SLC9A9: variants seen among roughly 807,000 people sequenced by gnomAD.
SLC9A9 encodes sodium/hydrogen exchanger 9.
In SLC9A9, 62 loss-of-function variants were observed where a neutral mutation model predicts 77.8. The observed-to-expected ratio is 0.80, with a 90% CI of 0.65 to 0.98. The LOEUF (loss-of-function observed/expected upper bound fraction) is 0.98. Ranked by LOEUF, SLC9A9 falls within the 50% of genes least tolerant of loss-of-function variation. SLC9A9 has a pLI of 0.00. For synonymous variants in SLC9A9, 320 were observed against 283.5 expected (o/e 1.13, Z -1.29); for missense variants, 775 against 774.9 (o/e 1.00, Z 0.00).
At chr3:143,439,523 C>G (rs971430328) in intron 12 of SLC9A9, among the ~76,000 whole-genome samples, 1 of 152,158 alleles carries the variant, frequency 6.6e-6, no homozygotes, top group Non-Finnish European at 1.5e-5. Context: ...AGAAGTGGGA[C>G]AAGAAGAGCA....
At chr3:143,824,887 G>A (rs1236393302) in intron 2 of SLC9A9, among the ~76,000 whole-genome samples, 4 of 152,192 alleles carry the variant, frequency 2.6e-5, no homozygotes, top group Non-Finnish European at 4.4e-5. Context: ...TTTAGTAACA[G>A]CAGATCTCTT....
intron 4 of SLC9A9, among the ~76,000 whole-genome samples, chr3:143,695,104 G>A (rs1464991422): frequency 2.0e-5 from 3 of 152,082 alleles, no homozygotes; most frequent in East Asian, 1.9e-4. Context: ...GCACACTGCC[G>A]GTTACCAGGT....
intron 3 of SLC9A9, 65 bp downstream of exon 3, chr3:143,796,761 C>T: frequency 1.7e-6 from 2 of 1,143,806 alleles, no homozygotes; most frequent in Non-Finnish European, 2.6e-6. Flanking sequence ...ATAACAGTTT[C>T]TCATTAGTGC....
chr3:143,836,100 C>G (rs913898211), intron 1 of SLC9A9, among the ~76,000 whole-genome samples: 2 of 152,192 alleles, frequency 1.3e-5, no homozygotes, highest in African/African-American at 4.8e-5. Flanking sequence ...GACTTCATTC[C>G]TAAAGCACTC....
At chr3:143,564,409 CAGAA>C (rs2037135577) in intron 8 of SLC9A9, among the ~76,000 whole-genome samples, 1 of 152,046 alleles carries the variant, frequency 6.6e-6, no homozygotes, top group Admixed American at 6.6e-5. Flanking sequence ...CACCAGAACA[CAGAA>C]AGAGAATGAA....
chr3:143,400,392 G>C (rs1287814220), intron 12 of SLC9A9, among the ~76,000 whole-genome samples: 3 of 152,120 alleles, frequency 2.0e-5, no homozygotes, highest in Non-Finnish European at 4.4e-5. Context: ...GCAGGAACCT[G>C]GATGGAACTG....
intron 14 of SLC9A9, among the ~76,000 whole-genome samples, chr3:143,337,546 C>A (rs1303267226): frequency 6.6e-6 from 1 of 152,194 alleles, no homozygotes; most frequent in Non-Finnish European, 1.5e-5. Context: ...TGTGGACTTT[C>A]CCAGAGCTTT....
chr3:143,298,567 G>A (rs2030380895), intron 14 of SLC9A9, among the ~76,000 whole-genome samples: 1 of 152,214 alleles, frequency 6.6e-6, no homozygotes, highest in South Asian at 2.1e-4. Flanking sequence ...CTGCTGCCTT[G>A]GAACAGATGC....
chr3:143,269,082 A>G, intron 14 of SLC9A9, 102 bp from the exon 15 acceptor site: 2 of 843,386 alleles, frequency 2.4e-6, no homozygotes, highest in Non-Finnish European at 4.0e-6. Context: ...TTTGCCTTTA[A>G]ATCCCCTACT....
chr3:143,398,625 T>C (rs1009940080), intron 12 of SLC9A9, among the ~76,000 whole-genome samples: 2 of 152,154 alleles, frequency 1.3e-5, no homozygotes, highest in Middle Eastern at 3.2e-3. Flanking sequence ...TAAAAAGCAC[T>C]TGCAATTGGT....
At chr3:143,794,819 T>A (rs2008329273) in intron 4 of SLC9A9, among the ~76,000 whole-genome samples, 182 bp downstream of exon 4, 1 of 152,144 alleles carries the variant, frequency 6.6e-6, no homozygotes, top group Non-Finnish European at 1.5e-5. Flanking sequence ...CTAGTTTGCT[T>A]TGATTTGAAG....
At chr3:143,375,269 GGC>G (rs754881497) in intron 13 of SLC9A9, among the ~76,000 whole-genome samples, 26 of 152,088 alleles carry the variant, frequency 1.7e-4, no homozygotes, top group Non-Finnish European at 3.4e-4. Flanking sequence ...TGACCTATAT[GGC>G]AGACTAATTG....
At chr3:143,325,214 C>T (rs576620780) in intron 14 of SLC9A9, among the ~76,000 whole-genome samples, 1 of 152,244 alleles carries the variant, frequency 6.6e-6, no homozygotes, top group Admixed American at 6.5e-5. Context: ...CTCCCTCGAT[C>T]CCAGATTATC....
At chr3:143,706,571 C>A (rs1013955028) in intron 4 of SLC9A9, among the ~76,000 whole-genome samples, 1 of 152,212 alleles carries the variant, frequency 6.6e-6, no homozygotes, top group Non-Finnish European at 1.5e-5. Flanking sequence ...CCCCATTCAG[C>A]TCTGCTGTGG....
intron 5 of SLC9A9, among the ~76,000 whole-genome samples, chr3:143,661,529 G>A (rs1490306988): frequency 6.6e-6 from 1 of 152,048 alleles, no homozygotes; most frequent in Non-Finnish European, 1.5e-5. Flanking sequence ...AGCCCCTTGT[G>A]ATTTTCCTTC....
chr3:143,645,309 A>C (rs1576630863), intron 6 of SLC9A9, among the ~76,000 whole-genome samples: 1 of 152,198 alleles, frequency 6.6e-6, no homozygotes, highest in Non-Finnish European at 1.5e-5. Flanking sequence ...TTATTTTAGG[A>C]ATATATTTTT....
chr3:143,587,885 G>A (rs2108675255), intron 6 of SLC9A9, among the ~76,000 whole-genome samples: 1 of 152,318 alleles, frequency 6.6e-6, no homozygotes. Flanking sequence ...GAAAAAGATT[G>A]AGAGAAGTAT....
chr3:143,661,941 C>T (rs565337835), intron 5 of SLC9A9, among the ~76,000 whole-genome samples: 164 of 136,840 alleles, frequency 1.2e-3, no homozygotes, highest in Admixed American at 2.8e-3. Flanking sequence ...TTACAGATTC[C>T]CTACCCACTA....
intron 6 of SLC9A9, among the ~76,000 whole-genome samples, chr3:143,593,607 TAAATA>T (rs931449772): frequency 6.6e-6 from 1 of 152,110 alleles, no homozygotes; most frequent in African/African-American, 2.4e-5. Context: ...GTCATTTACA[TAAATA>T]AAATAAAGGA....
Sources: allele counts gnomAD v4.1 joint callset (sites outside exome capture counted in the v4.1 genomes callset), GRCh38; gene constraint gnomAD v4.1.1; transcripts MANE v1.5; gene names NCBI Gene and HGNC (gene_info 2026-07-23, HGNC 2026-07-21).